FRMPD4: variants seen among roughly 807,000 people sequenced by gnomAD.
FRMPD4 encodes FERM and PDZ domain containing 4.
In FRMPD4, 22 loss-of-function variants were observed where a neutral mutation model predicts 94.1. The ratio of observed to expected loss-of-function variants is 0.23; its 90% confidence interval spans 0.17 to 0.33. The LOEUF (loss-of-function observed/expected upper bound fraction) is 0.33. FRMPD4 is among the 10% of genes least tolerant of loss of function. The pLI is 1.00. For missense variants in FRMPD4, 1,111 were observed against 1,339.9 expected (o/e 0.83, Z 2.67); for synonymous variants, 631 against 548.6 (o/e 1.15, Z -2.10).
At chrX:11,911,198 G>A (rs978605808) in intron 3 of FRMPD4, among the ~76,000 whole-genome samples, 13 of 112,508 alleles carry the variant, frequency 1.2e-4, no homozygotes, top group Non-Finnish European at 2.4e-4. Flanking sequence ...ACAAAAACAG[G>A]TGGTGGATCT....
chrX:12,502,643 A>G (rs1213183987), intron 2 of FRMPD4, among the ~76,000 whole-genome samples: 1 of 112,420 alleles, frequency 8.9e-6, no homozygotes, highest in African/African-American at 3.2e-5. Context: ...AGATCCAATC[A>G]TAGATACAGA....
At position 11,896,447 on chromosome X, in the gene FRMPD4, C is replaced by T. The variant is rs756635221; in HGVS notation, c.95+18429C>T. ...GGGTAGTGCTTTTGTGAATGGGATT[C>T]GTGCCCTTATCAAAGAGATCCTAGA... On this transcript the variant is annotated intron_variant, in intron 3 of 18. Coordinates refer to the FRMPD4 transcript ENST00000640291. Among the ~76,000 whole-genome samples the T allele has an allele frequency of 6.3e-5, 7 of 110,899 alleles. No individual in the cohort carries two copies. In the South Asian group the frequency reaches 1.2e-3, roughly 18 times the overall value.
At chrX:12,086,081 GTGTGTGTA>G (rs766966968) in intron 3 of FRMPD4, among the ~76,000 whole-genome samples, 30,803 of 101,326 alleles carry the variant, frequency 0.3, 3,374 homozygotes, top group Middle Eastern at 0.44. Flanking sequence ...CTGTGTGCGT[GTGTGTGTA>G]TGTGTGTGTG....
intron 3 of FRMPD4, among the ~76,000 whole-genome samples, chrX:11,903,244 C>T (rs959925783): frequency 1.8e-5 from 2 of 112,209 alleles, no homozygotes; most frequent in Admixed American, 1.9e-4. Context: ...AGGCTTTAAC[C>T]CCCAAATGGA....
intron 1 of FRMPD4, among the ~76,000 whole-genome samples, chrX:12,312,121 ATTCT>A (rs1219182494): frequency 1.8e-5 from 2 of 109,230 alleles, no homozygotes; most frequent in East Asian, 5.7e-4. Flanking sequence ...CAGTTCAATA[ATTCT>A]TTCTTCAGCT....
chrX:12,399,361 G>A, intron 1 of FRMPD4, among the ~76,000 whole-genome samples: 1 of 111,696 alleles, frequency 9.0e-6, no homozygotes, highest in Non-Finnish European at 1.9e-5. Context: ...ACAGATGTGG[G>A]TGTGGATATA....
chrX:11,841,246 C>A (rs2053534640), intron 1 of FRMPD4, among the ~76,000 whole-genome samples: 1 of 109,936 alleles, frequency 9.1e-6, no homozygotes, highest in Non-Finnish European at 1.9e-5. Flanking sequence ...ATTTATAGTC[C>A]TTTGGGTATA....
At chrX:12,551,236 T>G (rs772568590) in intron 2 of FRMPD4, among the ~76,000 whole-genome samples, 1 of 111,185 alleles carries the variant, frequency 9.0e-6, no homozygotes, top group Admixed American at 9.7e-5. Context: ...ATCATGCAGT[T>G]TCGACAATTA....
chrX:12,325,410 G>A (rs1164758913), intron 1 of FRMPD4, among the ~76,000 whole-genome samples: 1 of 112,412 alleles, frequency 8.9e-6, no homozygotes, highest in Non-Finnish European at 1.9e-5. Flanking sequence ...CAAATTATTT[G>A]GTGTTTGTTG....
At chrX:12,569,302 C>A (rs2058740225) in intron 2 of FRMPD4, among the ~76,000 whole-genome samples, 1 of 111,944 alleles carries the variant, frequency 8.9e-6, no homozygotes, top group African/African-American at 3.2e-5. Flanking sequence ...CAGAAAACTT[C>A]AAATAAAAAT....
chrX:12,125,433 C>T (rs2055491091), intron 3 of FRMPD4, among the ~76,000 whole-genome samples: 1 of 111,884 alleles, frequency 8.9e-6, no homozygotes, highest in Non-Finnish European at 1.9e-5. Context: ...TAAAGTGATG[C>T]CCAACATTAC....
chrX:12,588,966 G>A (rs746990374), intron 2 of FRMPD4, among the ~76,000 whole-genome samples: 1 of 111,967 alleles, frequency 8.9e-6, no homozygotes, highest in African/African-American at 3.2e-5. Context: ...ATTCTCTTAT[G>A]AATTCTGTAA....
intron 3 of FRMPD4, among the ~76,000 whole-genome samples, chrX:11,988,588 A>G (rs1403466905): frequency 1.8e-5 from 2 of 110,199 alleles, no homozygotes; most frequent in African/African-American, 6.6e-5. Context: ...AACCAAAGCA[A>G]AAATGGACAA....
chrX:12,248,604 T>C (rs1220328184), intron 1 of FRMPD4, among the ~76,000 whole-genome samples: 1 of 112,579 alleles, frequency 8.9e-6, no homozygotes, highest in Non-Finnish European at 1.9e-5. Flanking sequence ...CTTTTCATAA[T>C]TATACTATAA....
At chrX:12,497,651 C>A (rs1292520033) in intron 1 of FRMPD4, among the ~76,000 whole-genome samples, 1 of 110,929 alleles carries the variant, frequency 9.0e-6, no homozygotes, top group East Asian at 2.8e-4. Flanking sequence ...AACAGAAAAA[C>A]TGTTCCTACA....
chrX:12,605,149 C>T (rs995581694), intron 2 of FRMPD4, among the ~76,000 whole-genome samples: 3 of 112,182 alleles, frequency 2.7e-5, no homozygotes, highest in Admixed American at 1.9e-4. Flanking sequence ...ACCAAACGAT[C>T]ATATCAGTTC....
chrX:11,873,435 A>C (rs758612204), intron 2 of FRMPD4, among the ~76,000 whole-genome samples: 1 of 111,257 alleles, frequency 9.0e-6, no homozygotes, highest in Admixed American at 9.6e-5. Flanking sequence ...CAGAAATTGA[A>C]ATTTTATAAT....
rs760249146 is a variant in FRMPD4 at position 11,955,285 on chromosome X, G to A, written c.95+77267G>A. Among the ~76,000 whole-genome samples the A allele has an allele frequency of 2.1e-4, 23 of 110,373 alleles. No homozygotes were observed. The South Asian group carries it at 7.9e-3, about 38-fold the overall frequency. ...ATGAATTTGGTTGGTGGGTGGGTGC[G>A]TGGGGGGACACAAACATTCAGGCCA... is the stretch of plus-strand genomic sequence containing the variant. On this transcript the variant is annotated intron_variant, in intron 3 of 18. Coordinates refer to the FRMPD4 transcript ENST00000640291.
chrX:12,696,586 C>CAAAAA (rs57877846), intron 9 of FRMPD4, among the ~76,000 whole-genome samples: 22 of 30,043 alleles, frequency 7.3e-4, no homozygotes, highest in African/African-American at 1.3e-3. Flanking sequence ...AAAAATGAAG[C>CAAAAA]AAAAAAAAAA....
Sources: allele counts gnomAD v4.1 joint callset (sites outside exome capture counted in the v4.1 genomes callset), GRCh38; gene constraint gnomAD v4.1.1; transcripts MANE v1.5; gene names NCBI Gene and HGNC (gene_info 2026-07-23, HGNC 2026-07-21).